Variants in MX2 observed in about 807,000 individuals in gnomAD.
The protein encoded by MX2 is interferon-induced GTP-binding protein Mx2.
Under a neutral mutation model 74.0 loss-of-function variants are expected in MX2, and 51 were observed. The observed-to-expected ratio is 0.69, with a 90% CI of 0.55 to 0.87. The LOEUF is 0.87. Ranked by LOEUF, MX2 falls within the 40% of genes least tolerant of loss-of-function variation. The probability of loss-of-function intolerance (pLI) is 0.00; values close to 1 mark genes in which losing one functional copy is unlikely to be tolerated. For missense variants in MX2, 832 were observed against 908.7 expected, an observed-to-expected ratio of 0.92 and a Z score of 1.09; for synonymous variants, 369 against 339.3, an observed-to-expected ratio of 1.09 and a Z score of -0.96.
At chr21:41,387,921 G>A (rs751450011) in intron 5 of MX2, among the ~76,000 whole-genome samples, 66 of 152,232 alleles carry the variant, frequency 4.3e-4, no homozygotes, top group Non-Finnish European at 7.8e-4. Context: ...GACCACTGGG[G>A]TCAGCCCTCC....
chr21:41,406,990 T>C lies in MX2; in HGVS notation c.1897T>C (p.Tyr633His). 1 of 1,611,448 alleles carries C rather than the reference T, an allele frequency of 6.2e-7. No homozygotes were observed. The highest frequency in any genetic ancestry group is 8.5e-7 in the Non-Finnish European group (1 of 1,177,650). Residue 633 changes from tyrosine (Y) to histidine (H), a missense_variant, in exon 13 of 14, where the codon TAC (tyrosine) becomes CAC (histidine). Coordinates refer to ENST00000330714, the MANE Select transcript of MX2 (RefSeq NM_002463.2). The stretch of plus-strand genomic sequence containing the variant: ...TGAAATAGGCATCCACCTGAATGCC[T>C]ACTTCTTGGTGAGTTCCCGGCGGGG... ...FTEIGIHLNAYFLETSKRLAN... is the reference protein window; with the variant it reads ...FTEIGIHLNAHFLETSKRLAN...
chr21:41,377,790 G>A lies in MX2; in HGVS notation c.251G>A (p.Gly84Glu). 1 of 1,608,264 alleles carries A rather than the reference G, an allele frequency of 6.2e-7. No homozygotes were observed. The highest frequency in any genetic ancestry group is 1.7e-5 in the Admixed American group (1 of 59,840). Reference protein sequence around the residue: ...PGNRSQPRAMGPENNLYSQYE... With the variant: ...PGNRSQPRAMEPENNLYSQYE... The stretch of plus-strand genomic sequence containing the variant: ...TGGCATCTGTTCTGCCTTCTCCAGG[G>A]GCCCGAGAACAACCTGTACAGCCAG... The change falls in exon 3 of 14, where the codon GGG becomes GAG. Residue 84 changes from glycine to glutamate, a missense_variant and splice_region_variant. Transcript: ENST00000330714.
At chr21:41,378,425 G>T (rs2089444024) in intron 3 of MX2, among the ~76,000 whole-genome samples, 1 of 152,112 alleles carries the variant, frequency 6.6e-6, no homozygotes, top group African/African-American at 2.4e-5. Context: ...CACTGCCCGT[G>T]TGTCAGTCAG....
rs796292775 is a variant in MX2 at position 41,363,679 on chromosome 21, C to T, written c.-72+1624C>T. ...AGCAAAGGGACACAGCAGAGTGGCCCCTGGTGCCCAGGACCCGGCAGAGCT... is the reference window on the plus strand; with the variant it reads ...AGCAAAGGGACACAGCAGAGTGGCCTCTGGTGCCCAGGACCCGGCAGAGCT... On this transcript the variant is annotated intron_variant, in intron 1 of 13. Transcript: ENST00000330714. This position sits in a 1 kb window ranked among gnomAD's most constrained non-coding sequence, Gnocchi z 4.2. 37 of 155,038 alleles carry T rather than the reference C, an allele frequency of 2.4e-4. No individual in the cohort carries two copies. The highest frequency in any genetic ancestry group is 8.9e-4 in the African/African-American group (37 of 41,632). 9.6% of individuals were successfully genotyped at this position (155,038 alleles called of 1,614,324 possible). A position where few individuals can be genotyped will look rare whatever the true frequency, so the allele number is the denominator to read the frequency against.
At chr21:41,367,647 A>C (rs2145852673) in intron 1 of MX2, among the ~76,000 whole-genome samples, 1 of 152,266 alleles carries the variant, frequency 6.6e-6, no homozygotes, top group East Asian at 1.9e-4. Flanking sequence ...ATTCATCCAG[A>C]ATGCATGCTT....
intron 5 of MX2, among the ~76,000 whole-genome samples, chr21:41,383,762 C>A (rs1474841818): frequency 6.6e-6 from 1 of 152,172 alleles, no homozygotes; most frequent in African/African-American, 2.4e-5. Flanking sequence ...ATCCAAATCG[C>A]CATTCTCTGT....
chr21:41,389,871 G>T (rs918485376), intron 5 of MX2: 1 of 152,274 alleles, frequency 6.6e-6, no homozygotes, highest in Non-Finnish European at 1.5e-5. Flanking sequence ...TTGTGTTGTT[G>T]TTGAGAAAAA....
At position 41,395,634 on chromosome 21, in the gene MX2, G is replaced by A. The variant is rs200641371; in HGVS notation, c.919G>A (p.Val307Ile). 8.3e-5 allele frequency: 134 copies of A among 1,614,112 alleles called. No individual in the cohort carries two copies. The South Asian group carries it at 1.0e-3, about 12-fold the overall frequency. The change falls in exon 7 of 14, where the codon GTC becomes ATC. Residue 307 changes from valine (V) to isoleucine (I), a missense_variant. By Grantham distance (29) the Val-to-Ile change is conservative. Coordinates refer to ENST00000330714, the MANE Select transcript of MX2 (RefSeq NM_002463.2). ...DLMDRGTEKS[V>I]MNVVRNLTYP... ...AATGGACAGGGGCACTGAGAAAAGC[G>A]TCATGAATGTGGTGCGGAACCTCAC...
Position 41,408,218 on chromosome 21 carries a change from C to T in MX2, c.2133C>T (p.Ser711=), listed in dbSNP as rs776556360. 65 of 1,614,004 alleles carry T rather than the reference C, an allele frequency of 4.0e-5. 1 individual carries two copies. In the Admixed American group the frequency reaches 1.1e-3, roughly 26 times the overall value. ...QARHALCQFS[S]KEIH ...GACACGCACTCTGTCAATTCTCCAGCAAAGAGATCCACTGAAGGGCGGCGA... is the reference window on the plus strand; with the variant it reads ...GACACGCACTCTGTCAATTCTCCAGTAAAGAGATCCACTGAAGGGCGGCGA... Residue 711 remains serine, a synonymous_variant, in exon 14 of 14, where the codon AGC becomes AGT. Coordinates refer to ENST00000330714, the MANE Select transcript of MX2 (RefSeq NM_002463.2).
intron 1 of MX2, among the ~76,000 whole-genome samples, chr21:41,367,983 C>T (rs796134525): frequency 2.5e-4 from 38 of 152,294 alleles, no homozygotes; most frequent in African/African-American, 9.1e-4. Flanking sequence ...CTTCTCTCAC[C>T]AGCTGTCTTC....
At chr21:41,391,662 G>C (rs1206116478) in intron 6 of MX2, among the ~76,000 whole-genome samples, 1 of 152,114 alleles carries the variant, frequency 6.6e-6, no homozygotes, top group African/African-American at 2.4e-5. Flanking sequence ...GATTACAGGT[G>C]TGAACCACAG....
At chr21:41,382,709 C>A in intron 5 of MX2, 145 bp downstream of exon 5, 1 of 1,083,194 alleles carries the variant, frequency 9.2e-7, no homozygotes, top group Non-Finnish European at 1.3e-6. Flanking sequence ...GTGGGGGCCT[C>A]ATGCCCAGGT....
intron 7 of MX2, among the ~76,000 whole-genome samples, chr21:41,396,371 G>T (rs922311586): frequency 6.6e-6 from 1 of 152,208 alleles, no homozygotes; most frequent in Non-Finnish European, 1.5e-5. Context: ...TTTGTAGGAC[G>T]CTGGGATTGT....
At chr21:41,374,298 T>C (rs891412509) in intron 1 of MX2, among the ~76,000 whole-genome samples, 1 of 152,252 alleles carries the variant, frequency 6.6e-6, no homozygotes, top group African/African-American at 2.4e-5. Flanking sequence ...TTCTTTATCC[T>C]AAACCCGGAC....
rs1003197144 is a variant in MX2 at position 41,368,180 on chromosome 21, C to T, written c.-72+6125C>T. 6.6e-6 allele frequency among the ~76,000 whole-genome samples: 1 copy of T among 152,232 alleles called. No homozygotes were observed. The highest frequency in any genetic ancestry group is 2.4e-5 in the African/African-American group (1 of 41,458). ...GCACCCCTAAGCCTCTTAAGCCCCC[C>T]ACTTTCATTCCCTCCTGCCTCTGTG... On this transcript the variant is annotated intron_variant, in intron 1 of 13. Transcript: ENST00000330714. The surrounding 1 kb of genome is among the most constrained non-coding windows in gnomAD (Gnocchi z 4.6).
intron 6 of MX2, among the ~76,000 whole-genome samples, chr21:41,392,864 G>A (rs907421794): frequency 6.6e-6 from 1 of 152,012 alleles, no homozygotes; most frequent in African/African-American, 2.4e-5. Flanking sequence ...CAGCACTTTG[G>A]GGGGCCAAGG....
At position 41,399,001 on chromosome 21, in the gene MX2, G is replaced by C. The variant is rs1214676833; in HGVS notation, c.1254G>C (p.Lys418Asn). ...GADIPSQEADKMFFLIEKIKM... is the reference protein window; with the variant it reads ...GADIPSQEADNMFFLIEKIKM... ...ACATCCCCAGCCAGGAGGCCGACAAGATGTTCTTTCTAATTGAGGTGAGGA... is the reference window on the plus strand; with the variant it reads ...ACATCCCCAGCCAGGAGGCCGACAACATGTTCTTTCTAATTGAGGTGAGGA... The change falls in exon 9 of 14, where the codon AAG becomes AAC. Residue 418 changes from lysine to asparagine, a missense_variant. Coordinates refer to ENST00000330714, the MANE Select transcript of MX2 (RefSeq NM_002463.2). 2.5e-6 allele frequency: 4 copies of C among 1,613,662 alleles called. No individual in the cohort carries two copies. In the Admixed American group the frequency reaches 6.7e-5, roughly 27 times the overall value.
At chr21:41,393,127 A>AAAAAAAAAAAAAAAG (rs1568944000) in intron 6 of MX2, among the ~76,000 whole-genome samples, 4 of 141,968 alleles carry the variant, frequency 2.8e-5, no homozygotes, top group Non-Finnish European at 3.0e-5. Flanking sequence ...AAAAAAAAAA[A>AAAAAAAAAAAAAAAG]AAAAGAAAGA....
chr21:41,378,548 C>G (rs2089445689), intron 3 of MX2, among the ~76,000 whole-genome samples: 1 of 152,204 alleles, frequency 6.6e-6, no homozygotes, highest in Non-Finnish European at 1.5e-5. Context: ...AGAATTGTCT[C>G]AATGTTTTGA....
Sources: allele counts gnomAD v4.1 joint callset (sites outside exome capture counted in the v4.1 genomes callset), GRCh38; gene constraint gnomAD v4.1.1; non-coding constraint Gnocchi (gnomAD v3.1); transcripts MANE v1.5; gene names NCBI Gene and HGNC (gene_info 2026-07-23, HGNC 2026-07-21).